BMAL2: variants seen among roughly 807,000 people sequenced by gnomAD.
BMAL2 encodes basic helix-loop-helix ARNT-like protein 2.
At chr12:27,403,439 C>G in the BMAL2 span, 13 of 1,593,072 alleles carry the variant, frequency 8.2e-6, no homozygotes, top group Admixed American at 1.7e-5. Context: ...TTAGAATCCT[C>G]TAGACAGTCC....
chr12:27,393,537 G>A, the BMAL2 span, among the ~76,000 whole-genome samples: 4 of 152,282 alleles, frequency 2.6e-5, no homozygotes, highest in South Asian at 8.3e-4. Context: ...GGATGCCCTG[G>A]ACAGCAGTGC....
the BMAL2 span, among the ~76,000 whole-genome samples, chr12:27,377,206 A>G: frequency 1.3e-5 from 2 of 152,168 alleles, no homozygotes; most frequent in African/African-American, 2.4e-5. Context: ...GTAACTGTAC[A>G]CAGAATTAGG....
chr12:27,376,729 A>G, the BMAL2 span, among the ~76,000 whole-genome samples: 4 of 151,856 alleles, frequency 2.6e-5, no homozygotes, highest in Non-Finnish European at 5.9e-5. Flanking sequence ...GGCCTGGCGC[A>G]GTGGCTTACA....
chr12:27,402,918 C>T, the BMAL2 span, among the ~76,000 whole-genome samples: 1 of 152,178 alleles, frequency 6.6e-6, no homozygotes, highest in South Asian at 2.1e-4. Flanking sequence ...CAGTGCTTTG[C>T]TCACTTTTCT....
the BMAL2 span, among the ~76,000 whole-genome samples, chr12:27,341,249 G>T: frequency 1.3e-5 from 2 of 150,994 alleles, no homozygotes; most frequent in Admixed American, 1.3e-4. Flanking sequence ...TTGGCTGTGG[G>T]TTTGTTGTAG....
the BMAL2 span, among the ~76,000 whole-genome samples, chr12:27,397,483 C>CT: frequency 6.6e-6 from 1 of 152,166 alleles, no homozygotes. Context: ...TAGAGGAAGA[C>CT]TAGAGAGCAG....
At chr12:27,415,625 G>A in the BMAL2 span, among the ~76,000 whole-genome samples, 1 of 152,054 alleles carries the variant, frequency 6.6e-6, no homozygotes, top group East Asian at 1.9e-4. Flanking sequence ...CAGATGATAC[G>A]ATTTACTCAA....
the BMAL2 span, chr12:27,425,123 G>T: frequency 6.6e-6 from 1 of 152,038 alleles, no homozygotes; most frequent in Non-Finnish European, 1.5e-5. Flanking sequence ...CTTGAGTTTA[G>T]ATTTGTCTTT....
the BMAL2 span, among the ~76,000 whole-genome samples, chr12:27,382,139 T>C: frequency 6.6e-6 from 1 of 152,214 alleles, no homozygotes; most frequent in African/African-American, 2.4e-5. Flanking sequence ...TACCCACAGC[T>C]GAGGCTTGCA....
the BMAL2 span, among the ~76,000 whole-genome samples, chr12:27,346,005 C>T: frequency 1.3e-5 from 2 of 152,020 alleles, no homozygotes; most frequent in Non-Finnish European, 2.9e-5. Context: ...AAAAATTAGC[C>T]AGAAAACCTT....
chr12:27,368,164 TCAAGA>T, the BMAL2 span: 1 of 1,448,624 alleles, frequency 6.9e-7, no homozygotes, highest in Non-Finnish European at 9.4e-7. Context: ...TTTTTAAATA[TCAAGA>T]TAGAAAAGTC....
chr12:27,361,758 A>G, the BMAL2 span, among the ~76,000 whole-genome samples: 1 of 152,174 alleles, frequency 6.6e-6, no homozygotes, highest in Admixed American at 6.6e-5. Context: ...GCTAAAACTA[A>G]CTAGTCTCAC....
At chr12:27,338,809 A>G in the BMAL2 span, among the ~76,000 whole-genome samples, 36 of 152,182 alleles carry the variant, frequency 2.4e-4, no homozygotes, top group Admixed American at 9.8e-4. Flanking sequence ...ATTATGGCAT[A>G]TTTCTGATCA....
the BMAL2 span, among the ~76,000 whole-genome samples, chr12:27,406,126 C>A: frequency 6.6e-6 from 1 of 152,134 alleles, no homozygotes; most frequent in African/African-American, 2.4e-5. Flanking sequence ...ATTGGTGTAC[C>A]TGAAAGTGAC....
At chr12:27,378,023 G>A in the BMAL2 span, among the ~76,000 whole-genome samples, 1 of 152,086 alleles carries the variant, frequency 6.6e-6, no homozygotes, top group Non-Finnish European at 1.5e-5. Context: ...AACAGATCAG[G>A]GAAGTCTCCC....
the BMAL2 span, chr12:27,376,396 G>C: frequency 6.2e-7 from 1 of 1,613,046 alleles, no homozygotes; most frequent in Non-Finnish European, 8.5e-7. Flanking sequence ...AGGTACAATT[G>C]ACTTGTTGAG....
At chr12:27,424,805 G>T in the BMAL2 span, 10 of 152,292 alleles carry the variant, frequency 6.6e-5, no homozygotes, top group African/African-American at 2.2e-4. Flanking sequence ...GTGGCCACTA[G>T]GTGCCACTTT....
the BMAL2 span, among the ~76,000 whole-genome samples, chr12:27,372,697 G>A: frequency 3.3e-5 from 5 of 151,414 alleles, no homozygotes; most frequent in African/African-American, 9.7e-5. Context: ...TTTTTGAGAC[G>A]GAGTCTCGCT....
the BMAL2 span, among the ~76,000 whole-genome samples, chr12:27,372,470 T>C: frequency 6.6e-6 from 1 of 152,216 alleles, no homozygotes; most frequent in South Asian, 2.1e-4. Flanking sequence ...TGAACATTGA[T>C]GTACAAATAC....
Sources: allele counts gnomAD v4.1 joint callset (sites outside exome capture counted in the v4.1 genomes callset), GRCh38; gene constraint gnomAD v4.1.1; transcripts MANE v1.5; gene names NCBI Gene and HGNC (gene_info 2026-07-23, HGNC 2026-07-21).